DHRSX: variants seen among roughly 807,000 people sequenced by gnomAD.
DHRSX encodes the protein polyprenol dehydrogenase.
A neutral mutation model predicts 34.0 loss-of-function variants in DHRSX; 31 were observed. The ratio of observed to expected loss-of-function variants is 0.91; its 90% CI spans 0.69 to 1.23. The LOEUF (loss-of-function observed/expected upper bound fraction) is 1.23. Ranked by LOEUF, DHRSX falls within the 50% of genes most tolerant of loss-of-function variation. DHRSX has a pLI of 0.00. For synonymous variants in DHRSX, 201 were observed against 183.8 expected (o/e 1.09, Z -0.76); for missense variants, 414 against 428.1 (o/e 0.97, Z 0.29).
intron 6 of DHRSX, among the ~76,000 whole-genome samples, chrX:2,221,864 A>T (rs1297988921): frequency 5.3e-5 from 8 of 152,172 alleles, no homozygotes. Context: ...GGTCATGGTC[A>T]GTGGGATGGA....
At chrX:2,472,520 A>G (rs1439269195) in intron 1 of DHRSX, among the ~76,000 whole-genome samples, 1 of 152,214 alleles carries the variant, frequency 6.6e-6, no homozygotes, top group Non-Finnish European at 1.5e-5. Flanking sequence ...TCATAATCCC[A>G]GCACTTTGGG....
chrX:2,474,050 T>G (rs1429469275), intron 1 of DHRSX, among the ~76,000 whole-genome samples: 1 of 151,776 alleles, frequency 6.6e-6, no homozygotes, highest in African/African-American at 2.4e-5. Context: ...GTGCCTGGGA[T>G]GGGCGGTGAC....
intron 3 of DHRSX, among the ~76,000 whole-genome samples, chrX:2,385,110 A>ACGTG (rs1556500412): frequency 1.4e-5 from 2 of 146,502 alleles, no homozygotes; most frequent in Non-Finnish European, 3.0e-5. Flanking sequence ...TCAAATATAT[A>ACGTG]TGTGTGTGTG....
intron 1 of DHRSX, among the ~76,000 whole-genome samples, chrX:2,431,241 C>T (rs1166263449): frequency 6.7e-6 from 1 of 150,304 alleles, no homozygotes; most frequent in South Asian, 2.1e-4. Flanking sequence ...AGGAGAATGG[C>T]GTGAACCTGG....
chrX:2,455,034 C>T (rs1773735606), intron 1 of DHRSX, among the ~76,000 whole-genome samples: 1 of 151,756 alleles, frequency 6.6e-6, no homozygotes, highest in Non-Finnish European at 1.5e-5. Context: ...ATCACTGGAA[C>T]CCGGGAGCCA....
chrX:2,345,445 T>C (rs2042693701), intron 3 of DHRSX, among the ~76,000 whole-genome samples: 1 of 151,572 alleles, frequency 6.6e-6, no homozygotes, highest in African/African-American at 2.4e-5. Flanking sequence ...GAGTTTGAGA[T>C]CAGCCTGGCC....
At chrX:2,430,851 A>G (rs961892973) in intron 1 of DHRSX, among the ~76,000 whole-genome samples, 1 of 151,696 alleles carries the variant, frequency 6.6e-6, no homozygotes, top group Admixed American at 6.6e-5. Context: ...CATTGCTACA[A>G]AACAAAAAAA....
At chrX:2,480,220 G>A (rs1236902398) in intron 1 of DHRSX, among the ~76,000 whole-genome samples, 2 of 151,680 alleles carry the variant, frequency 1.3e-5, no homozygotes, top group Admixed American at 1.3e-4. Flanking sequence ...CAGCAACATG[G>A]ATGGGACTGG....
At chrX:2,368,103 C>A (rs1039333702) in intron 3 of DHRSX, among the ~76,000 whole-genome samples, 38 of 151,646 alleles carry the variant, frequency 2.5e-4, no homozygotes, top group African/African-American at 9.2e-4. Flanking sequence ...ATTAGCCGGG[C>A]GTGGTGCCGT....
chrX:2,357,459 G>A (rs2042870136), intron 3 of DHRSX, among the ~76,000 whole-genome samples: 1 of 152,136 alleles, frequency 6.6e-6, no homozygotes, highest in Non-Finnish European at 1.5e-5. Context: ...ACCTCATCCT[G>A]ATGAAACCGT....
At chrX:2,300,763 C>T (rs1290377672) in intron 3 of DHRSX, among the ~76,000 whole-genome samples, 1 of 152,020 alleles carries the variant, frequency 6.6e-6, no homozygotes, top group African/African-American at 2.4e-5. Flanking sequence ...CTGAATAAAC[C>T]CCCCTTTATA....
intron 2 of DHRSX, among the ~76,000 whole-genome samples, chrX:2,417,883 C>T (rs1185697196): frequency 6.6e-6 from 1 of 151,932 alleles, no homozygotes; most frequent in African/African-American, 2.4e-5. Flanking sequence ...TTATGATGAA[C>T]TAATACAACT....
At chrX:2,471,116 A>C (rs1300177860) in intron 1 of DHRSX, among the ~76,000 whole-genome samples, 1 of 152,138 alleles carries the variant, frequency 6.6e-6, no homozygotes, top group East Asian at 1.9e-4. Context: ...TTTCCAGAAA[A>C]ATGACTCGCA....
intron 3 of DHRSX, among the ~76,000 whole-genome samples, chrX:2,301,277 G>C (rs949186234): frequency 1.3e-5 from 2 of 152,184 alleles, no homozygotes; most frequent in Non-Finnish European, 2.9e-5. Flanking sequence ...GCTGGGCATG[G>C]TGGTGCATTG....
chrX:2,468,182 T>G (rs2044526671), intron 1 of DHRSX, among the ~76,000 whole-genome samples: 1 of 152,098 alleles, frequency 6.6e-6, no homozygotes, highest in South Asian at 2.1e-4. Context: ...GTTCTGAACC[T>G]CTGATCTGGG....
intron 1 of DHRSX, among the ~76,000 whole-genome samples, chrX:2,446,627 G>A (rs2044140185): frequency 6.6e-6 from 1 of 151,620 alleles, no homozygotes; most frequent in African/African-American, 2.4e-5. Context: ...CTAAGCATGG[G>A]CTAAGGGACG....
intron 1 of DHRSX, among the ~76,000 whole-genome samples, chrX:2,457,557 G>A (rs2044319864): frequency 6.6e-6 from 1 of 152,006 alleles, no homozygotes; most frequent in East Asian, 1.9e-4. Context: ...TGTAAACACT[G>A]AAGACGTTCC....
chrX:2,490,857 G>A lies in DHRSX; in HGVS notation c.109+9960C>T, dbSNP rs2045118747. 4 of 1,269,846 alleles carry A rather than the reference G, an allele frequency of 3.1e-6. No homozygotes were observed. The East Asian group carries it at 9.3e-5, about 30-fold the overall frequency. The allele number at this position is 1,269,846 out of a possible 1,614,324, so 78.7% of individuals were successfully genotyped here. A position where few individuals can be genotyped will look rare whatever the true frequency, so the allele number is the denominator to read the frequency against. ...GCCGGGGAGACAGACAGGGTGCCGGGGCAGCTCCGCTTTCAACCAAAGGGC... is the reference window on the plus strand; with the variant it reads ...GCCGGGGAGACAGACAGGGTGCCGGAGCAGCTCCGCTTTCAACCAAAGGGC... On this transcript the variant is annotated intron_variant, in intron 1 of 6. Transcript: ENST00000334651.
At chrX:2,343,715 CT>C (rs1313842589) in intron 3 of DHRSX, among the ~76,000 whole-genome samples, 2 of 152,080 alleles carry the variant, frequency 1.3e-5, no homozygotes, top group Admixed American at 6.6e-5. Flanking sequence ...GGCCAGGAGA[CT>C]TTTTTTTGTC....
Sources: gnomAD v4.1 joint callset for allele counts (sites outside exome capture counted in the v4.1 genomes callset) on GRCh38, gnomAD v4.1.1 for gene constraint, MANE v1.5 for transcripts, NCBI Gene and HGNC (gene_info 2026-07-23, HGNC 2026-07-21) for gene names.